Variants in UHRF2 observed in about 807,000 individuals in gnomAD.
UHRF2 encodes the protein E3 ubiquitin-protein ligase UHRF2.
In UHRF2, 23 loss-of-function variants were observed where a neutral mutation model predicts 96.8. The ratio of observed to expected loss-of-function variants is 0.24; its 90% confidence interval spans 0.17 to 0.34. UHRF2 has a LOEUF of 0.34. Among genes scored for constraint, UHRF2 ranks in the 10% least tolerant of loss-of-function variants. UHRF2 has a pLI of 1.00. For synonymous variants in UHRF2, 385 were observed against 332.6 expected (o/e 1.16, Z -1.72); for missense variants, 685 against 981.5 (o/e 0.70, Z 4.04).
At chr9:6,482,438 G>C (rs190561052) in intron 8 of UHRF2, among the ~76,000 whole-genome samples, 19 of 152,130 alleles carry the variant, frequency 1.2e-4, no homozygotes, top group African/African-American at 4.6e-4. Flanking sequence ...ATTGAATGTC[G>C]TGGAACTCTA....
chr9:6,456,142 T>G (rs1822158117), intron 3 of UHRF2, among the ~76,000 whole-genome samples: 1 of 152,324 alleles, frequency 6.6e-6, no homozygotes, highest in South Asian at 2.1e-4. Context: ...ATTTCTTGGC[T>G]TTTTTCTTTT....
At chr9:6,431,561 G>A (rs1474274087) in intron 2 of UHRF2, among the ~76,000 whole-genome samples, 1 of 151,938 alleles carries the variant, frequency 6.6e-6, no homozygotes, top group African/African-American at 2.4e-5. Context: ...ATCCAGCCTG[G>A]GCAGCAGATA....
At chr9:6,441,561 G>C (rs974991573) in intron 3 of UHRF2, among the ~76,000 whole-genome samples, 4 of 152,088 alleles carry the variant, frequency 2.6e-5, no homozygotes, top group African/African-American at 4.8e-5. Context: ...AATTCCTTTT[G>C]ACCCAGCCTT....
chr9:6,427,709 G>T (rs1419484895), intron 2 of UHRF2, among the ~76,000 whole-genome samples: 1 of 151,970 alleles, frequency 6.6e-6, no homozygotes, highest in African/African-American at 2.4e-5. Context: ...TTAATCTGAA[G>T]TTATTTATTG....
At chr9:6,455,363 C>A (rs924545078) in intron 3 of UHRF2, among the ~76,000 whole-genome samples, 4 of 152,084 alleles carry the variant, frequency 2.6e-5, no homozygotes, top group African/African-American at 9.7e-5. Context: ...TGTTCAATTC[C>A]CACCTATGAG....
chr9:6,435,172 T>C (rs761568259), intron 3 of UHRF2, among the ~76,000 whole-genome samples: 5 of 152,062 alleles, frequency 3.3e-5, no homozygotes, highest in Non-Finnish European at 7.4e-5. Context: ...TTTTGTATTT[T>C]TACTAGATAT....
intron 1 of UHRF2, among the ~76,000 whole-genome samples, chr9:6,415,951 C>T (rs975813330): frequency 6.6e-6 from 1 of 152,228 alleles, no homozygotes; most frequent in African/African-American, 2.4e-5. Context: ...ATCCTCACGC[C>T]AGACCTACTG....
intron 5 of UHRF2, 47 bp from the exon 6 acceptor site, chr9:6,477,575 T>C (rs779627563): frequency 7.3e-6 from 11 of 1,504,580 alleles, no homozygotes; most frequent in African/African-American, 4.2e-5. Flanking sequence ...TTCATAGATA[T>C]AAAAAATGTT....
At chr9:6,458,985 C>T (rs913392030) in intron 3 of UHRF2, among the ~76,000 whole-genome samples, 5 of 152,110 alleles carry the variant, frequency 3.3e-5, no homozygotes, top group Admixed American at 3.3e-4. Context: ...CCAAACACCA[C>T]ATGTTCTCAC....
intron 3 of UHRF2, among the ~76,000 whole-genome samples, chr9:6,436,801 A>G (rs1349010800): frequency 1.3e-5 from 2 of 152,198 alleles, no homozygotes; most frequent in East Asian, 3.8e-4. Flanking sequence ...TGTTAAGTAA[A>G]GGGGAATCTA....
Position 6,421,034 on chromosome 9 carries a change from T to C in UHRF2, c.276T>C (p.Cys92=). 1 of 1,614,192 alleles carries C rather than the reference T, an allele frequency of 6.2e-7. No individual in the cohort carries two copies. The highest frequency in any genetic ancestry group is 1.3e-5 in the African/African-American group (1 of 75,062). Residue 92 remains cysteine (C), a synonymous_variant, in exon 2 of 16, where the codon TGT becomes TGC. Transcript: ENST00000276893. ...CTACACAGATTGAGGCTAAACCCTGTTCTAATAGTCCACCTAAAGTAAAGA... is the reference window on the plus strand; with the variant it reads ...CTACACAGATTGAGGCTAAACCCTGCTCTAATAGTCCACCTAAAGTAAAGA... ...GTSTQIEAKP[C]SNSPPKVKKA... is the part of the protein sequence containing the mutation.
At chr9:6,415,711 G>A (rs1819559185) in intron 1 of UHRF2, 1 of 152,152 alleles carries the variant, frequency 6.6e-6, no homozygotes, top group Non-Finnish European at 1.5e-5. Flanking sequence ...CGTATGTTAG[G>A]CTCCAGCTTT....
At position 6,458,179 on chromosome 9, in the gene UHRF2, G is replaced by A. The variant is rs115771149; in HGVS notation, c.645-2394G>A. Among the ~76,000 whole-genome samples the A allele has an allele frequency of 9.5e-3, 1,449 of 152,146 alleles. 23 individuals are homozygous for A. The highest frequency in any genetic ancestry group is 0.034 in the African/African-American group (1,397 of 41,522). ...GGAACTTGTTATTGGTCTCAATTTC[G>A]GAACTTGTTATTGGTCTATTTAGGG... On this transcript the variant is annotated intron_variant, in intron 3 of 15. Coordinates refer to ENST00000276893, the MANE Select transcript of UHRF2 (RefSeq NM_152896.3).
intron 14 of UHRF2, among the ~76,000 whole-genome samples, chr9:6,504,077 G>A (rs939371683): frequency 2.2e-5 from 3 of 138,856 alleles, no homozygotes; most frequent in Non-Finnish European, 3.0e-5. Context: ...CCAGGCTGGA[G>A]TGCAGTGGCG....
chr9:6,422,745 A>G (rs999112883), intron 2 of UHRF2: 1 of 484,024 alleles, frequency 2.1e-6, no homozygotes, highest in Non-Finnish European at 3.8e-6. Flanking sequence ...AAGTGCTGGG[A>G]TACAGGCGTG....
intron 9 of UHRF2, 152 bp from the exon 10 acceptor site, chr9:6,493,674 G>C: frequency 1.6e-6 from 1 of 618,822 alleles, no homozygotes; most frequent in South Asian, 2.2e-5. Flanking sequence ...CTACACACAA[G>C]ATTGCATTTA....
chr9:6,418,839 T>A (rs186807906), intron 1 of UHRF2, among the ~76,000 whole-genome samples: 1 of 152,184 alleles, frequency 6.6e-6, no homozygotes, highest in African/African-American at 2.4e-5. Context: ...CAATAGAAAT[T>A]TACTGTCTCA....
At chr9:6,469,931 G>A (rs1163535260) in intron 4 of UHRF2, among the ~76,000 whole-genome samples, 2 of 151,922 alleles carry the variant, frequency 1.3e-5, no homozygotes, top group South Asian at 4.1e-4. Flanking sequence ...TAAATTCTAA[G>A]CAGGATAAAT....
chr9:6,452,251 A>G (rs779838389), intron 3 of UHRF2, among the ~76,000 whole-genome samples: 29 of 152,228 alleles, frequency 1.9e-4, no homozygotes, highest in Admixed American at 2.6e-4. Context: ...GCAGCTATAA[A>G]TAGCCTTGTG....
Sources: gnomAD v4.1 joint callset for allele counts (sites outside exome capture counted in the v4.1 genomes callset) on GRCh38, gnomAD v4.1.1 for gene constraint, MANE v1.5 for transcripts, NCBI Gene and HGNC (gene_info 2026-07-23, HGNC 2026-07-21) for gene names.